The following SLC28A1 variants were observed in gnomAD, a reference collection of about 807,000 sequenced individuals.
SLC28A1 encodes sodium/nucleoside cotransporter 1.
Under a neutral mutation model 74.8 loss-of-function variants are expected in SLC28A1, and 64 were observed. The ratio of observed to expected loss-of-function variants is 0.86; its 90% CI spans 0.70 to 1.05. The LOEUF is 1.05. SLC28A1 is among the 50% of genes least tolerant of loss of function. The pLI is 0.00. For synonymous variants in SLC28A1, 359 were observed against 335.0 expected (o/e 1.07, Z -0.78); for missense variants, 828 against 822.8 (o/e 1.01, Z -0.08).
chr15:84,900,871 CAAGGAAGGAAGGAAGG>C (rs60285824), intron 6 of SLC28A1, among the ~76,000 whole-genome samples: 15,994 of 146,396 alleles, frequency 0.11, 1,088 homozygotes, highest in Admixed American at 0.14. Flanking sequence ...GGGTGAAAGG[CAAGGAAGGAAGGAAGG>C]AAGGAAGGAA....
At position 84,935,059 on chromosome 15, in the gene SLC28A1, T is replaced by G; in HGVS notation, c.1248T>G (p.Thr416=). 3.1e-6 allele frequency: 5 copies of G among 1,614,148 alleles called. No homozygotes were observed. Among genetic ancestry groups the G allele is most frequent in the Non-Finnish European group, 4.2e-6 (5 of 1,179,970 alleles). ...AGAACCTCATAGAAGCAGCCAGCACTGGGGCCGCCATCTCCGTGAAGGTGG... is the reference window on the plus strand; with the variant it reads ...AGAACCTCATAGAAGCAGCCAGCACGGGGGCCGCCATCTCCGTGAAGGTGG... ...DAQNLIEAAS[T]GAAISVKVVA... The change falls in exon 14 of 19, where the codon ACT becomes ACG. Residue 416 remains threonine (T), a synonymous_variant. Coordinates refer to ENST00000394573, the MANE Select transcript of SLC28A1 (RefSeq NM_004213.5).
intron 6 of SLC28A1, among the ~76,000 whole-genome samples, chr15:84,902,302 A>G (rs769135284): frequency 2.2e-4 from 33 of 152,288 alleles, no homozygotes; most frequent in Non-Finnish European, 4.6e-4. Context: ...CAACATGGTG[A>G]AATCCCATCT....
At chr15:84,922,968 G>A (rs913698968) in intron 11 of SLC28A1, among the ~76,000 whole-genome samples, 2 of 152,158 alleles carry the variant, frequency 1.3e-5, no homozygotes, top group Non-Finnish European at 2.9e-5. Flanking sequence ...ATGGAGTCTC[G>A]CTCTGTCACC....
intron 9 of SLC28A1, among the ~76,000 whole-genome samples, chr15:84,916,511 G>T (rs762710049): frequency 2.6e-5 from 4 of 151,968 alleles, no homozygotes; most frequent in Non-Finnish European, 4.4e-5. Context: ...GCCTCCCAAA[G>T]TGCTGGGATT....
At chr15:84,930,619 T>TG (rs1016855058) in intron 12 of SLC28A1, among the ~76,000 whole-genome samples, 21 of 144,754 alleles carry the variant, frequency 1.5e-4, no homozygotes, top group African/African-American at 5.1e-4. Context: ...CTCTGCTTTT[T>TG]TTTTTTTTTT....
At chr15:84,920,725 C>T (rs201074785) in intron 10 of SLC28A1, among the ~76,000 whole-genome samples, 3 of 114,754 alleles carry the variant, frequency 2.6e-5, no homozygotes, top group East Asian at 5.8e-4. Flanking sequence ...TGTGTGTGTG[C>T]ATTTCACAAT....
the SLC28A1 span, among the ~76,000 whole-genome samples, chr15:84,951,773 CAA>C: frequency 6.6e-6 from 1 of 152,058 alleles, no homozygotes. Context: ...CTCCTTCTGA[CAA>C]AGTCTAAATC....
downstream of SLC28A1, among the ~76,000 whole-genome samples, chr15:84,950,173 G>C (rs1008553464): frequency 6.6e-6 from 1 of 152,102 alleles, no homozygotes; most frequent in Non-Finnish European, 1.5e-5. Context: ...CCCTGTCTCT[G>C]CTGGGCAAAA....
intron 4 of SLC28A1, among the ~76,000 whole-genome samples, chr15:84,889,747 TCCTTCCTTCCTTCC>T (rs1965124282): frequency 7.4e-6 from 1 of 134,446 alleles, no homozygotes. Context: ...CTTCCTTCCT[TCCTTCCTTCCTTCC>T]TTCCTTTTCT....
At chr15:84,894,903 T>C in intron 5 of SLC28A1, 37 bp from the exon 6 acceptor site, 1 of 1,604,956 alleles carries the variant, frequency 6.2e-7, no homozygotes, top group Non-Finnish European at 8.5e-7. Flanking sequence ...AGAGGTGGTG[T>C]CCTGGCTGTT....
At chr15:84,957,245 G>A in the SLC28A1 span, among the ~76,000 whole-genome samples, 4 of 151,920 alleles carry the variant, frequency 2.6e-5, no homozygotes, top group Non-Finnish European at 4.4e-5. Flanking sequence ...TCTTTTGCAC[G>A]TAGTTTTTTG....
chr15:84,923,957 G>A, intron 11 of SLC28A1, 28 bp from the exon 12 acceptor site: 1 of 1,613,948 alleles, frequency 6.2e-7, no homozygotes, highest in South Asian at 1.1e-5. Flanking sequence ...CCCCCACCCT[G>A]CTTGTCTGAC....
chr15:84,911,963 G>A (rs993418656), intron 9 of SLC28A1, among the ~76,000 whole-genome samples: 6 of 152,132 alleles, frequency 3.9e-5, no homozygotes, highest in African/African-American at 1.4e-4. Context: ...ATGATAGTGA[G>A]GTGGGTTTAT....
At chr15:84,923,008 G>A (rs1454911461) in intron 11 of SLC28A1, among the ~76,000 whole-genome samples, 1 of 152,182 alleles carries the variant, frequency 6.6e-6, no homozygotes, top group Non-Finnish European at 1.5e-5. Context: ...ACAATCTTGG[G>A]CTCACTGCAA....
At chr15:84,968,418 T>C in the SLC28A1 span, among the ~76,000 whole-genome samples, 1 of 152,300 alleles carries the variant, frequency 6.6e-6, no homozygotes, top group Non-Finnish European at 1.5e-5. Flanking sequence ...ACAAGGCTGT[T>C]GACAGAGGCC....
rs1256240896 is a variant in SLC28A1 at position 84,918,639 on chromosome 15, AG to A, written c.876+36del. 1.7e-5 allele frequency: 26 copies of A among 1,491,514 alleles called. No homozygotes were observed. In the Middle Eastern group the frequency reaches 2.2e-3, roughly 128 times the overall value. 92.4% of individuals were successfully genotyped at this position (1,491,514 alleles called of 1,614,324 possible). A position where few individuals can be genotyped will look rare whatever the true frequency, so the allele number is the denominator to read the frequency against. ...CAGTGCCCATGGCCAGGGCTCTCCC[AG>A]AGTCACCAGCTCACAGGGTTCACAC... On this transcript the variant is annotated intron_variant, in intron 10 of 18. Coordinates refer to ENST00000394573, the MANE Select transcript of SLC28A1 (RefSeq NM_004213.5).
rs1269077824 is a variant in SLC28A1 at position 84,897,192 on chromosome 15, C to T, written c.461+2069C>T. Among the ~76,000 whole-genome samples the T allele has an allele frequency of 9.6e-5, 14 of 145,086 alleles. No homozygotes were observed. The East Asian group carries it at 2.4e-3, about 25-fold the overall frequency. On this transcript the variant is annotated intron_variant, in intron 6 of 18. Transcript: ENST00000394573. ...GAGATGGAGACCATCCTGGCTAACA[C>T]GGTGAAACCCTGTCTCTACTAAAAA...
At chr15:84,925,075 T>G (rs1175614227) in intron 12 of SLC28A1, among the ~76,000 whole-genome samples, 3 of 129,948 alleles carry the variant, frequency 2.3e-5, no homozygotes, top group East Asian at 2.3e-4. Context: ...TAGTTTTTTT[T>G]TTTTTTTTTT....
chr15:84,895,822 A>AT (rs1179896099), intron 6 of SLC28A1: 12 of 1,097,800 alleles, frequency 1.1e-5, no homozygotes, highest in Non-Finnish European at 1.3e-5. Context: ...TCAATACTCT[A>AT]TTTTGTTGAT....
Sources: gnomAD v4.1 joint callset for allele counts (sites outside exome capture counted in the v4.1 genomes callset) on GRCh38, gnomAD v4.1.1 for gene constraint, MANE v1.5 for transcripts, NCBI Gene and HGNC (gene_info 2026-07-23, HGNC 2026-07-21) for gene names.